Variants in ACACB observed in about 807,000 individuals in gnomAD.
ACACB encodes acetyl-CoA carboxylase beta.
In ACACB, 209 loss-of-function variants were observed where a neutral mutation model predicts 278.8. The observed-to-expected ratio is 0.75, with a 90% CI of 0.67 to 0.84. The LOEUF is 0.84. ACACB is among the 40% of genes least tolerant of loss of function. The probability of loss-of-function intolerance (pLI) is 0.00; values close to 1 mark genes in which losing one functional copy is unlikely to be tolerated. For synonymous variants in ACACB, 1,174 were observed against 1,285.6 expected, an observed-to-expected ratio of 0.91 and a Z score of 1.86; for missense variants, 2,850 against 3,269.0, an observed-to-expected ratio of 0.87 and a Z score of 3.13.
chr12:109,224,256 C>T (rs2046255617), intron 27 of ACACB, among the ~76,000 whole-genome samples: 1 of 151,998 alleles, frequency 6.6e-6, no homozygotes, highest in Non-Finnish European at 1.5e-5. Flanking sequence ...GTCTGAGGCA[C>T]CTCATCTAAA....
In ACACB at chr12:109,188,178, CT is replaced by C; in HGVS notation, c.2144+18del. 1 of 209,340 alleles carries C rather than the reference CT, an allele frequency of 4.8e-6. No individual in the cohort carries two copies. The highest frequency in any genetic ancestry group is 8.0e-6 in the Non-Finnish European group (1 of 125,372). 13.0% of individuals were successfully genotyped at this position (209,340 alleles called of 1,614,324 possible). ...AGGCCATTTCGTCAGTATCTCCTTC[CT>C]TCCTTCCTTCCTTCCTTCCTTCCTT... On this transcript the variant is annotated intron_variant, in intron 13 of 52. Coordinates refer to ENST00000338432, the MANE Select transcript of ACACB (RefSeq NM_001093.4).
At chr12:109,122,457 C>T (rs1372833485) in intron 1 of ACACB, among the ~76,000 whole-genome samples, 4 of 151,562 alleles carry the variant, frequency 2.6e-5, no homozygotes, top group African/African-American at 9.7e-5. Context: ...GCCTGTAATC[C>T]CAGTGCTTTG....
At chr12:109,184,823 C>G (rs983319257) in intron 11 of ACACB, among the ~76,000 whole-genome samples, 20 of 152,000 alleles carry the variant, frequency 1.3e-4, no homozygotes, top group African/African-American at 4.8e-4. Flanking sequence ...CCTCCCACCT[C>G]AGCCTCCTGA....
At chr12:109,254,371 G>A (rs377575316) in intron 44 of ACACB, 37 bp downstream of exon 44, 24 of 1,573,920 alleles carry the variant, frequency 1.5e-5, no homozygotes, top group African/African-American at 1.1e-4. Flanking sequence ...ACCTGGTCTC[G>A]GGTTTCTTTC....
Position 109,216,499 on chromosome 12 carries a change from C to T in ACACB, c.3351-119C>T, listed in dbSNP as rs2046002414. Reference sequence around the variant, plus strand: ...CCTCCCAAAGTGCTGGGATTACAGGCATGAGCCACCATGCCCAGCCAATCC... The same window carrying T: ...CCTCCCAAAGTGCTGGGATTACAGGTATGAGCCACCATGCCCAGCCAATCC... On this transcript the variant is annotated intron_variant, in intron 22 of 52. Transcript: ENST00000338432. 5.9e-6 allele frequency: 6 copies of T among 1,010,920 alleles called. No homozygotes were observed. The Admixed American group carries it at 9.2e-5, about 16-fold the overall frequency. The allele number at this position is 1,010,920 out of a possible 1,614,324, so 62.6% of individuals were successfully genotyped here. A position where few individuals can be genotyped will look rare whatever the true frequency, so the allele number is the denominator to read the frequency against.
At position 109,191,763 on chromosome 12, in the gene ACACB, G is replaced by T. The variant is rs1025233099; in HGVS notation, c.2295G>T (p.Gln765His). Residue 765 changes from glutamine to histidine, a missense_variant and splice_region_variant, in exon 14 of 53, where the codon CAG (glutamine) becomes CAT (histidine). Physicochemically the swap from Gln to His is conservative, Grantham distance 24. Transcript: ENST00000338432. The stretch of plus-strand genomic sequence containing the variant: ...ACTACCTCATTGCTGAGAAAGTGCA[G>T]GTAGGGAGTGAGCTGCCTGTGTCTC... Reference protein sequence around the residue: ...WLDYLIAEKVQAEKPDIMLGV... With the variant: ...WLDYLIAEKVHAEKPDIMLGV... 5.0e-6 allele frequency: 8 copies of T among 1,614,032 alleles called. No homozygotes were observed. Among genetic ancestry groups the T allele is most frequent in the Non-Finnish European group, 6.8e-6 (8 of 1,180,010 alleles).
chr12:109,154,568 G>A (rs1365825479), intron 2 of ACACB: 1 of 152,282 alleles, frequency 6.6e-6, no homozygotes. Context: ...CCGGCCCGGG[G>A]GCGGGGCTCC....
chr12:109,247,440 T>C (rs913954860), intron 39 of ACACB, among the ~76,000 whole-genome samples, 166 bp from the exon 40 acceptor site: 1 of 152,176 alleles, frequency 6.6e-6, no homozygotes, highest in Non-Finnish European at 1.5e-5. Context: ...CTTCAGTTTA[T>C]GGCTGTTATT....
At chr12:109,127,756 G>A (rs1443068348) in intron 1 of ACACB, among the ~76,000 whole-genome samples, 2 of 152,160 alleles carry the variant, frequency 1.3e-5, no homozygotes, top group Non-Finnish European at 1.5e-5. Context: ...CACCAGTGCC[G>A]TCAAGCACAG....
intron 2 of ACACB, 112 bp downstream of exon 2, chr12:109,140,170 AG>A: frequency 8.4e-7 from 1 of 1,188,308 alleles, no homozygotes; most frequent in Non-Finnish European, 1.1e-6. Flanking sequence ...CAAAGCTTCA[AG>A]GGTGGCTATG....
intron 19 of ACACB, 42 bp downstream of exon 19, chr12:109,201,743 G>A (rs1392643635): frequency 5.0e-6 from 8 of 1,603,870 alleles, no homozygotes; most frequent in South Asian, 4.4e-5. Context: ...TGGTGCAGGT[G>A]CACTCGTGAC....
chr12:109,201,416 G>C (rs1347574220), intron 18 of ACACB, 151 bp from the exon 19 acceptor site: 1 of 904,172 alleles, frequency 1.1e-6, no homozygotes, highest in African/African-American at 1.7e-5. Context: ...ACTTTTCCTT[G>C]TACCTTCTGC....
rs374529747 is a variant in ACACB, at chr12:109,222,762, T to C, written c.3679-37T>C. 21 of 1,582,718 alleles carry C rather than the reference T, an allele frequency of 1.3e-5. No individual in the cohort carries two copies. The African/African-American group carries it at 2.4e-4, about 18-fold the overall frequency. ...AGCCTCTGCCTTCTGCCCTGGGAGG[T>C]TGGCTCACGCCAGCGCCCCCATCCC... On this transcript the variant is annotated intron_variant, in intron 25 of 52. Transcript: ENST00000338432.
At chr12:109,120,075 G>A (rs1327721287) in intron 1 of ACACB, among the ~76,000 whole-genome samples, 2 of 152,166 alleles carry the variant, frequency 1.3e-5, no homozygotes, top group African/African-American at 4.8e-5. Flanking sequence ...AGAATAATCA[G>A]TTGTTGGACA....
intron 42 of ACACB, chr12:109,252,553 T>C (rs1034029355): frequency 5.8e-6 from 1 of 172,218 alleles, no homozygotes; most frequent in Non-Finnish European, 1.2e-5. Context: ...TTTTTCACTG[T>C]ATTAAAACAT....
chr12:109,192,035 C>A, intron 15 of ACACB, 85 bp downstream of exon 15: 1 of 1,396,918 alleles, frequency 7.2e-7, no homozygotes, highest in Non-Finnish European at 1.0e-6. Flanking sequence ...ATTTGTGTGG[C>A]CAGTTAGTCA....
At chr12:109,122,848 T>C (rs1175519676) in intron 1 of ACACB, among the ~76,000 whole-genome samples, 2 of 152,084 alleles carry the variant, frequency 1.3e-5, no homozygotes, top group Non-Finnish European at 2.9e-5. Context: ...TTCATCTTCC[T>C]ATACCCATTT....
chr12:109,237,129 G>T (rs766655279), intron 33 of ACACB, 36 bp from the exon 34 acceptor site: 1 of 1,606,476 alleles, frequency 6.2e-7, no homozygotes, highest in Non-Finnish European at 8.5e-7. Context: ...CGCTGTGTGT[G>T]TATGTGTCTG....
intron 2 of ACACB, among the ~76,000 whole-genome samples, chr12:109,152,643 T>TA (rs1363561210): frequency 8.5e-6 from 1 of 117,918 alleles, no homozygotes; most frequent in African/African-American, 4.8e-5. Flanking sequence ...TTTCTTTCTT[T>TA]TTTTTTTTTT....
Sources: allele counts gnomAD v4.1 joint callset (sites outside exome capture counted in the v4.1 genomes callset), GRCh38; gene constraint gnomAD v4.1.1; transcripts MANE v1.5; gene names NCBI Gene and HGNC (gene_info 2026-07-23, HGNC 2026-07-21).